Variants in SPEN observed in about 807,000 individuals in gnomAD.
The protein encoded by SPEN is msx2-interacting protein.
Under a neutral mutation model 269.9 loss-of-function variants are expected in SPEN, and 18 were observed. The ratio of observed to expected loss-of-function variants is 0.07; its 90% CI spans 0.05 to 0.10. SPEN has a LOEUF of 0.10. SPEN is among the 10% of genes least tolerant of loss of function. The pLI is 1.00. For synonymous variants in SPEN, 1,726 were observed against 1,765.7 expected, an observed-to-expected ratio of 0.98 and a Z score of 0.56; for missense variants, 3,822 against 4,631.2, an observed-to-expected ratio of 0.83 and a Z score of 5.07.
intron 13 of SPEN, 133 bp from the exon 14 acceptor site, chr1:15,938,580 TTTTTC>T (rs75917606): frequency 2.3e-6 from 1 of 439,860 alleles, no homozygotes; most frequent in Non-Finnish European, 3.5e-6. Context: ...TTTTTTTTTT[TTTTTC>T]ATTCAAATAT....
chr1:15,902,668 TTAAAA>T (rs921442854), intron 3 of SPEN, among the ~76,000 whole-genome samples: 78 of 152,144 alleles, frequency 5.1e-4, no homozygotes, highest in African/African-American at 1.4e-3. Flanking sequence ...TAAATAAAAG[TTAAAA>T]TAAAATAGAT....
At chr1:15,892,814 T>C (rs1378542526) in intron 3 of SPEN, among the ~76,000 whole-genome samples, 6 of 152,006 alleles carry the variant, frequency 3.9e-5, no homozygotes, top group South Asian at 2.1e-4. Context: ...AAAAACAACT[T>C]TGGGCGGGGC....
In SPEN at chr1:15,879,017, A is replaced by G. The variant is rs2070660737; in HGVS notation, c.881+2339A>G. On this transcript the variant is annotated intron_variant, in intron 3 of 14. Coordinates refer to ENST00000375759, the MANE Select transcript of SPEN (RefSeq NM_015001.3). ...GAGACTCTGTCTCAAAAAAAAAAAAAAAAAAAAGAAAAGAAAAGAAAAAAA... is the reference window on the plus strand; with the variant it reads ...GAGACTCTGTCTCAAAAAAAAAAAAGAAAAAAAGAAAAGAAAAGAAAAAAA... 2.0e-5 allele frequency among the ~76,000 whole-genome samples: 3 copies of G among 150,736 alleles called. 1 individual carries two copies. The highest frequency in any genetic ancestry group is 4.4e-5 in the Non-Finnish European group (3 of 67,482).
intron 3 of SPEN, among the ~76,000 whole-genome samples, chr1:15,901,324 A>T (rs2070897110): frequency 6.6e-6 from 1 of 151,484 alleles, no homozygotes; most frequent in Non-Finnish European, 1.5e-5. Context: ...TGGTAAAAAA[A>T]AATAAAAAAA....
chr1:15,882,011 A>G (rs1361349842), intron 3 of SPEN, among the ~76,000 whole-genome samples: 2 of 152,206 alleles, frequency 1.3e-5, no homozygotes, highest in Non-Finnish European at 1.5e-5. Flanking sequence ...ATTAATAGTT[A>G]CACTTTTGAT....
chr1:15,931,874 T>G lies in SPEN; in HGVS notation c.5634T>G (p.Thr1878=). ...LKMEAEKITR[T]ASKNSAADLE... ...TGGAGGCAGAGAAGATTACAAGGAC[T>G]GCTTCTAAAAACTCTGCTGCAGACC... Residue 1878 remains threonine (T), a synonymous_variant, in exon 11 of 15, where the codon ACT becomes ACG. Coordinates refer to ENST00000375759, the MANE Select transcript of SPEN (RefSeq NM_015001.3). The surrounding 1 kb of genome is among the most constrained non-coding windows in gnomAD (Gnocchi z 4.8). 1 of 1,614,210 alleles carries G rather than the reference T, an allele frequency of 6.2e-7. No individual in the cohort carries two copies. Among genetic ancestry groups the G allele is most frequent in the Non-Finnish European group, 8.5e-7 (1 of 1,180,044 alleles).
chr1:15,872,958 A>G lies in SPEN; in HGVS notation c.226A>G (p.Thr76Ala), dbSNP rs760560973. 2 of 1,614,142 alleles carry G rather than the reference A, an allele frequency of 1.2e-6. No homozygotes were observed. The highest frequency in any genetic ancestry group is 1.7e-6 in the Non-Finnish European group (2 of 1,180,012). ...CAAAATGGGTGACAGAGACCTACGC[A>G]CGGATTATAATGAACCAGGCACCAT... ...VNKMGDRDLRTDYNEPGTIPS... is the reference protein window; with the variant it reads ...VNKMGDRDLRADYNEPGTIPS... Residue 76 changes from threonine (T) to alanine (A), a missense_variant, in exon 2 of 15, where the codon ACG (threonine) becomes GCG (alanine). Physicochemically the swap from Thr to Ala is moderately conservative, Grantham distance 58 (BLOSUM62 0). Around this residue, in one of 16 missense-constraint regions of SPEN, gnomAD observed 327 missense variants for 350.8 expected, o/e 0.93. Coordinates refer to ENST00000375759, the MANE Select transcript of SPEN (RefSeq NM_015001.3).
intron 5 of SPEN, among the ~76,000 whole-genome samples, chr1:15,911,794 C>G (rs1354551725): frequency 6.6e-6 from 1 of 152,044 alleles, no homozygotes; most frequent in Non-Finnish European, 1.5e-5. Flanking sequence ...AACCCTGTTT[C>G]TACTAGAAAT....
intron 3 of SPEN, among the ~76,000 whole-genome samples, chr1:15,887,570 C>T (rs1366080456): frequency 1.3e-5 from 2 of 151,074 alleles, no homozygotes; most frequent in Non-Finnish European, 2.9e-5. Context: ...GCTGGGATTA[C>T]AGGCGTGAGC....
chr1:15,861,400 G>A (rs1318141762), intron 1 of SPEN, among the ~76,000 whole-genome samples: 1 of 152,072 alleles, frequency 6.6e-6, no homozygotes, highest in African/African-American at 2.4e-5. Context: ...AAAATGCTGG[G>A]ATTACAGGTG....
chr1:15,892,334 C>CT (rs1264180767), intron 3 of SPEN, among the ~76,000 whole-genome samples: 1 of 152,058 alleles, frequency 6.6e-6, no homozygotes, highest in Non-Finnish European at 1.5e-5. Context: ...CTTCGTTTTA[C>CT]TTTTTAAAAT....
intron 13 of SPEN, chr1:15,938,474 G>A: frequency 2.5e-6 from 1 of 393,286 alleles, no homozygotes; most frequent in South Asian, 3.7e-5. Context: ...CTTGGTGGGG[G>A]GATGTAAAGT....
chr1:15,937,235 C>T lies in SPEN; in HGVS notation c.10099C>T (p.Pro3367Ser), dbSNP rs749647806. Residue 3367 changes from proline to serine, a missense_variant, in exon 12 of 15, where the codon CCA (proline) becomes TCA (serine). This residue lies in a region of SPEN where 359 missense variants were observed against 377.3 expected (regional missense o/e 0.95). Transcript: ENST00000375759. The surrounding 1 kb of genome is among the most constrained non-coding windows in gnomAD (Gnocchi z 5.7). Reference sequence around the variant, plus strand: ...GTCCACACAGCCTGCCCAGCCTGCACCACCCTGCCCGCCCTCCCAGCTCGG... The same window carrying T: ...GTCCACACAGCCTGCCCAGCCTGCATCACCCTGCCCGCCCTCCCAGCTCGG... ...VQSTQPAQPA[P>S]PCPPSQLGQP... The T allele has an allele frequency of 5.6e-6, 9 of 1,613,848 alleles. No individual in the cohort carries two copies. In the East Asian group the frequency reaches 2.0e-4, roughly 36 times the overall value.
intron 6 of SPEN, among the ~76,000 whole-genome samples, chr1:15,918,203 ATCT>A (rs745437585): frequency 1.3e-5 from 2 of 152,150 alleles, no homozygotes; most frequent in East Asian, 3.8e-4. Context: ...AGATTTATTA[ATCT>A]TCTCAGATAT....
chr1:15,929,341 A>T lies in SPEN; in HGVS notation c.3101A>T (p.Glu1034Val), dbSNP rs1293075827. ...GAGGTCATTCTGCTGAGGGAAGGAGAGGCTGAAAGAAAGCCTGTGAGGAAA... is the reference window on the plus strand; with the variant it reads ...GAGGTCATTCTGCTGAGGGAAGGAGTGGCTGAAAGAAAGCCTGTGAGGAAA... ...SREVILLREG[E>V]AERKPVRKEI... The change falls in exon 11 of 15, where the codon GAG becomes GTG. Residue 1034 changes from glutamate to valine, a missense_variant. Around this residue, in one of 16 missense-constraint regions of SPEN, gnomAD observed 572 missense variants for 582.6 expected, o/e 0.98. Transcript: ENST00000375759. This position sits in a 1 kb window ranked among gnomAD's most constrained non-coding sequence, Gnocchi z 5.8. 2 of 1,613,046 alleles carry T rather than the reference A, an allele frequency of 1.2e-6. No individual in the cohort carries two copies. Among genetic ancestry groups the T allele is most frequent in the African/African-American group, 1.3e-5 (1 of 74,782 alleles).
chr1:15,877,285 T>A (rs2070641363), intron 3 of SPEN, among the ~76,000 whole-genome samples: 1 of 152,136 alleles, frequency 6.6e-6, no homozygotes, highest in Non-Finnish European at 1.5e-5. Context: ...ATATATATAT[T>A]TTAAAGACAG....
intron 3 of SPEN, among the ~76,000 whole-genome samples, chr1:15,885,715 T>C (rs1042250616): frequency 1.3e-5 from 2 of 152,238 alleles, no homozygotes; most frequent in African/African-American, 4.8e-5. Context: ...AAGCATTTGC[T>C]TGTTCCCTGC....
rs72882591 is a variant in SPEN at position 15,875,947 on chromosome 1, G to A, written c.405-255G>A. Among the ~76,000 whole-genome samples the A allele has an allele frequency of 7.2e-3, 1,094 of 152,268 alleles. 23 individuals carry two copies. The highest frequency in any genetic ancestry group is 0.025 in the African/African-American group (1,037 of 41,546). ...AGTCAGAAAATCTCTAATAAAGTAA[G>A]CAAGTGAGCTGCAGAACACTAGTCA... On this transcript the variant is annotated intron_variant, in intron 2 of 14. Coordinates refer to ENST00000375759, the MANE Select transcript of SPEN (RefSeq NM_015001.3).
intron 1 of SPEN, among the ~76,000 whole-genome samples, chr1:15,863,110 C>T (rs2070463958): frequency 6.6e-6 from 1 of 152,048 alleles, no homozygotes; most frequent in African/African-American, 2.4e-5. Flanking sequence ...GGTAGTTGGG[C>T]ATGGTGGTAT....
Sources: allele counts gnomAD v4.1 joint callset (sites outside exome capture counted in the v4.1 genomes callset), GRCh38; gene constraint gnomAD v4.1.1; regional missense constraint gnomAD v4.1.1; non-coding constraint Gnocchi (gnomAD v3.1); transcripts MANE v1.5; gene names NCBI Gene and HGNC (gene_info 2026-07-23, HGNC 2026-07-21).